The following PRKN variants were observed in gnomAD, a reference collection of about 807,000 sequenced individuals.
PRKN encodes E3 ubiquitin-protein ligase parkin.
A neutral mutation model predicts 59.5 loss-of-function variants in PRKN; 56 were observed. The ratio of observed to expected loss-of-function variants is 0.94; its 90% CI spans 0.76 to 1.18. PRKN has a LOEUF of 1.18. Ranked by LOEUF, PRKN falls within the 50% of genes most tolerant of loss-of-function variation. The pLI, the probability that PRKN is intolerant of heterozygous loss-of-function variation, is 0.00. For missense variants in PRKN, 657 were observed against 596.4 expected (o/e 1.10, Z -1.06); for synonymous variants, 250 against 222.1 (o/e 1.13, Z -1.12).
chr6:162,362,888 G>A (rs1342160687), intron 2 of PRKN, among the ~76,000 whole-genome samples: 2 of 151,900 alleles, frequency 1.3e-5, no homozygotes, highest in African/African-American at 4.8e-5. Flanking sequence ...CAACGCTTTG[G>A]GAGGCTGAGG....
chr6:162,078,604 T>C (rs1253154717), intron 4 of PRKN, among the ~76,000 whole-genome samples: 1 of 152,106 alleles, frequency 6.6e-6, no homozygotes, highest in African/African-American at 2.4e-5. Flanking sequence ...TTAAGTTTGA[T>C]AAAAAAGCCA....
intron 7 of PRKN, among the ~76,000 whole-genome samples, chr6:161,685,601 T>C (rs942842512): frequency 6.6e-6 from 1 of 152,194 alleles, no homozygotes; most frequent in African/African-American, 2.4e-5. Flanking sequence ...AAAAGAGTGT[T>C]TGGAGCTCAG....
rs546416620 is a variant in PRKN, at chr6:161,391,036, C to A, written c.1084-4159G>T. ...CTCTGGGTTAGGCAGATACAAAACT[C>A]CTTCTTAAGACAGTGTTCGGGCCAG... On this transcript the variant is annotated intron_variant, in intron 9 of 11. Coordinates refer to ENST00000366898, the MANE Select transcript of PRKN (RefSeq NM_004562.3). The surrounding 1 kb of genome is among the most constrained non-coding windows in gnomAD (Gnocchi z 4.9). Among the ~76,000 whole-genome samples, 3 of 152,184 alleles carry A rather than the reference C, an allele frequency of 2.0e-5. No individual in the cohort carries two copies. Among genetic ancestry groups the A allele is most frequent in the Admixed American group, 2.0e-4 (3 of 15,298 alleles).
chr6:162,136,855 G>A (rs1221754988), intron 4 of PRKN, among the ~76,000 whole-genome samples: 1 of 152,104 alleles, frequency 6.6e-6, no homozygotes, highest in East Asian at 1.9e-4. Context: ...AAATGTAGAG[G>A]AGGCCACTTC....
At chr6:162,143,220 A>G (rs964666527) in intron 4 of PRKN, among the ~76,000 whole-genome samples, 1 of 152,244 alleles carries the variant, frequency 6.6e-6, no homozygotes, top group African/African-American at 2.4e-5. Flanking sequence ...CCTTGCAGCT[A>G]GAAGTATCAT....
chr6:162,273,815 G>C (rs1021929252), intron 2 of PRKN, among the ~76,000 whole-genome samples: 37 of 152,108 alleles, frequency 2.4e-4, no homozygotes, highest in Non-Finnish European at 4.6e-4. Flanking sequence ...TTATCAACTT[G>C]AGTCCAACCT....
chr6:162,348,347 A>G (rs1784489579), intron 2 of PRKN, among the ~76,000 whole-genome samples: 1 of 152,212 alleles, frequency 6.6e-6, no homozygotes, highest in Non-Finnish European at 1.5e-5. Flanking sequence ...TCCCAGAACA[A>G]CGACCAAAAA....
chr6:161,536,286 A>G (rs1779412183), intron 9 of PRKN, among the ~76,000 whole-genome samples: 1 of 152,112 alleles, frequency 6.6e-6, no homozygotes, highest in Non-Finnish European at 1.5e-5. Flanking sequence ...TAGGGCAATG[A>G]ACTCTAGAAG....
In PRKN at chr6:161,641,918, C is replaced by T. The variant is rs149223733; in HGVS notation, c.872-72502G>A. Among the ~76,000 whole-genome samples the T allele has an allele frequency of 8.7e-4, 132 of 152,318 alleles. 3 individuals carry two copies. In the East Asian group the frequency reaches 0.02, roughly 24 times the overall value. On this transcript the variant is annotated intron_variant, in intron 7 of 11. Transcript: ENST00000366898. ...CCAATGAACCAAGCTCATTACCAAA[C>T]ATTTCCCAACAATGTTGAAGTTTCT...
At chr6:162,250,698 A>C (rs1779398187) in intron 3 of PRKN, among the ~76,000 whole-genome samples, 1 of 152,212 alleles carries the variant, frequency 6.6e-6, no homozygotes, top group Admixed American at 6.5e-5. Context: ...GTGAATATCT[A>C]ATTTCGCAAT....
chr6:161,849,131 T>G (rs1793319508), intron 6 of PRKN, among the ~76,000 whole-genome samples: 1 of 152,190 alleles, frequency 6.6e-6, no homozygotes, highest in Non-Finnish European at 1.5e-5. Flanking sequence ...TGCACTTGGT[T>G]TGTCAGACTC....
rs1789469176 is a variant in PRKN at position 161,445,913 on chromosome 6, G to A, written c.1084-59036C>T. ...CTTAGTTCTGGAAAGCCTCCTGTGG[G>A]GAGATGGAGTGGCGGGGATAGGGAC... On this transcript the variant is annotated intron_variant, in intron 9 of 11. Transcript: ENST00000366898. This position sits in a 1 kb window ranked among gnomAD's most constrained non-coding sequence, Gnocchi z 7.7. 6.6e-6 allele frequency among the ~76,000 whole-genome samples: 1 copy of A among 152,058 alleles called. No individual in the cohort carries two copies. The highest frequency in any genetic ancestry group is 2.4e-5 in the African/African-American group (1 of 41,378).
chr6:162,626,035 C>T (rs931522483), intron 1 of PRKN, among the ~76,000 whole-genome samples: 1 of 152,112 alleles, frequency 6.6e-6, no homozygotes, highest in East Asian at 1.9e-4. Context: ...TGGGTAGAGA[C>T]TAGGAAAATC....
intron 6 of PRKN, among the ~76,000 whole-genome samples, chr6:161,906,275 C>T (rs1288401169): frequency 6.6e-6 from 1 of 152,200 alleles, no homozygotes; most frequent in Admixed American, 6.5e-5. Context: ...TTTCTGGATG[C>T]TCCATGTCTG....
At chr6:161,755,295 C>T (rs544933796) in intron 7 of PRKN, among the ~76,000 whole-genome samples, 2 of 151,664 alleles carry the variant, frequency 1.3e-5, no homozygotes, top group South Asian at 2.1e-4. Flanking sequence ...CAACATACTG[C>T]ACCCACGTGA....
intron 5 of PRKN, among the ~76,000 whole-genome samples, chr6:161,976,568 C>T (rs1197006628): frequency 6.6e-6 from 1 of 152,190 alleles, no homozygotes; most frequent in African/African-American, 2.4e-5. Context: ...TCCTTTTACT[C>T]AATCTTTTGA....
intron 4 of PRKN, among the ~76,000 whole-genome samples, chr6:162,195,013 G>C (rs1418959956): frequency 6.6e-6 from 1 of 152,134 alleles, no homozygotes; most frequent in Non-Finnish European, 1.5e-5. Flanking sequence ...GAACACGGGG[G>C]CCACCCTGGC....
intron 1 of PRKN, among the ~76,000 whole-genome samples, chr6:162,724,042 AAT>A (rs1779034163): frequency 6.6e-6 from 1 of 152,248 alleles, no homozygotes; most frequent in Non-Finnish European, 1.5e-5. Context: ...CATGCACTCT[AAT>A]ATCTGCTGTT....
Position 162,520,001 on chromosome 6 carries a change from A to G in PRKN, c.8-76528T>C, listed in dbSNP as rs144785492. ...ACAGTGGCTCATGCCTGTAATCCCA[A>G]TGCTTTGGAAGGCCAAGGCAGGAGG... is the stretch of plus-strand genomic sequence containing the variant. On this transcript the variant is annotated intron_variant, in intron 1 of 11. Coordinates refer to ENST00000366898, the MANE Select transcript of PRKN (RefSeq NM_004562.3). 1.4e-3 allele frequency among the ~76,000 whole-genome samples: 207 copies of G among 152,308 alleles called. 3 individuals carry two copies. In the East Asian group the frequency reaches 0.03, roughly 22 times the overall value.
Sources: gnomAD v4.1 joint callset for allele counts (sites outside exome capture counted in the v4.1 genomes callset) on GRCh38, gnomAD v4.1.1 for gene constraint, Gnocchi (gnomAD v3.1) non-coding constraint, MANE v1.5 for transcripts, NCBI Gene and HGNC (gene_info 2026-07-23, HGNC 2026-07-21) for gene names.